The following LINGO1 variants were observed in gnomAD, a reference collection of about 807,000 sequenced individuals.
The protein encoded by LINGO1 is leucine rich repeat and Ig domain containing 1, also known as leucine-rich repeat and immunoglobulin-like domain-containing nogo receptor-interacting protein 1.
A neutral mutation model predicts 37.3 loss-of-function variants in LINGO1; 11 were observed. The observed-to-expected ratio is 0.29, with a 90% CI of 0.19 to 0.49. The LOEUF (loss-of-function observed/expected upper bound fraction) is 0.49, where lower values mean the gene tolerates loss of function less well. Among genes scored for constraint, LINGO1 ranks in the 20% least tolerant of loss-of-function variants. LINGO1 has a pLI of 0.99. For synonymous variants in LINGO1, 387 were observed against 403.0 expected (o/e 0.96, Z 0.48); for missense variants, 585 against 878.2 (o/e 0.67, Z 4.22).
chr15:77,683,124 C>T lies in LINGO1; in HGVS notation c.-98-5950G>A, dbSNP rs115934473. On this transcript the variant is annotated intron_variant, in intron 2 of 3. Coordinates refer to the LINGO1 transcript ENST00000559893. Reference sequence around the variant, plus strand: ...GAAACACCCATGGGCAAAAACTGCACGAAAAGATGCTCAGCCTCGCTGGGG... The same window carrying T: ...GAAACACCCATGGGCAAAAACTGCATGAAAAGATGCTCAGCCTCGCTGGGG... 6.5e-3 allele frequency among the ~76,000 whole-genome samples: 996 copies of T among 152,266 alleles called. 6 individuals carry two copies. Among genetic ancestry groups the T allele is most frequent in the African/African-American group, 0.018 (755 of 41,554 alleles).
chr15:77,621,256 T>C (rs940648648), intron 1 of LINGO1, among the ~76,000 whole-genome samples: 1 of 152,176 alleles, frequency 6.6e-6, no homozygotes, highest in Non-Finnish European at 1.5e-5. Flanking sequence ...GGTTTCACCA[T>C]GTTGGCCAGG....
chr15:77,816,547 G>T (rs747643391), intron 1 of LINGO1, among the ~76,000 whole-genome samples: 5 of 152,176 alleles, frequency 3.3e-5, no homozygotes, highest in Non-Finnish European at 7.3e-5. Flanking sequence ...AATATAGCAG[G>T]GTCAGGTCTT....
intron 2 of LINGO1, among the ~76,000 whole-genome samples, chr15:77,708,013 C>G (rs1025674864): frequency 4.7e-4 from 71 of 152,170 alleles, no homozygotes; most frequent in African/African-American, 1.6e-3. Context: ...TTGACAGGCA[C>G]CAGGCACCAG....
intron 2 of LINGO1, among the ~76,000 whole-genome samples, chr15:77,711,879 T>G (rs553096295): frequency 8.0e-6 from 1 of 124,754 alleles, no homozygotes; most frequent in East Asian, 3.2e-4. Context: ...TGTTCTCTCC[T>G]CTGAGGGGGG....
upstream of LINGO1, among the ~76,000 whole-genome samples, chr15:77,699,774 T>TGCACACAGCACATACTAACCA (rs2075757887): frequency 3.3e-4 from 3 of 9,072 alleles, no homozygotes; most frequent in African/African-American, 1.2e-3. Flanking sequence ...CTAACCATCA[T>TGCACACAGCACATACTAACCA]TCCCCCCCTC....
intron 1 of LINGO1, among the ~76,000 whole-genome samples, chr15:77,618,080 C>T (rs892374561): frequency 9.9e-5 from 15 of 152,142 alleles, no homozygotes; most frequent in Admixed American, 3.3e-4. Flanking sequence ...GTAATTGGGC[C>T]GGCAGCTGGG....
intron 1 of LINGO1, among the ~76,000 whole-genome samples, chr15:77,781,577 G>T (rs1236177222): frequency 6.6e-6 from 1 of 152,174 alleles, no homozygotes; most frequent in African/African-American, 2.4e-5. Flanking sequence ...GGGGTGGGAG[G>T]CCCCCCAGTC....
chr15:77,726,158 G>T (rs944354293), intron 2 of LINGO1, among the ~76,000 whole-genome samples: 1 of 152,190 alleles, frequency 6.6e-6, no homozygotes, highest in African/African-American at 2.4e-5. Context: ...CCCCAGACCA[G>T]TGTCCAGTGT....
intron 2 of LINGO1, among the ~76,000 whole-genome samples, chr15:77,718,113 G>A (rs2076006862): frequency 6.6e-6 from 1 of 150,808 alleles, no homozygotes; most frequent in Non-Finnish European, 1.5e-5. Context: ...CCCAGCCCAG[G>A]CCTGAGCTCA....
intron 1 of LINGO1, among the ~76,000 whole-genome samples, chr15:77,777,054 G>A (rs1351717163): frequency 6.6e-6 from 1 of 152,114 alleles, no homozygotes; most frequent in East Asian, 1.9e-4. Flanking sequence ...CCCGTGCCAG[G>A]GCCCACCCTG....
chr15:77,624,768 C>G (rs1485927016), intron 1 of LINGO1, among the ~76,000 whole-genome samples: 1 of 152,026 alleles, frequency 6.6e-6, no homozygotes, highest in Non-Finnish European at 1.5e-5. Flanking sequence ...GCCCCTTGCA[C>G]AAGGTTGCCC....
chr15:77,718,176 C>T (rs980944228), intron 2 of LINGO1, among the ~76,000 whole-genome samples: 3 of 150,836 alleles, frequency 2.0e-5, no homozygotes, highest in African/African-American at 4.8e-5. Context: ...CCAGGGCCCA[C>T]GGAGGGGTCT....
chr15:77,616,458 T>TC (rs2073724677), intron 1 of LINGO1, among the ~76,000 whole-genome samples: 1 of 152,044 alleles, frequency 6.6e-6, no homozygotes, highest in East Asian at 1.9e-4. Flanking sequence ...GCCCTGAGTC[T>TC]CCCCCGGTGC....
At chr15:77,665,076 G>A (rs1258138148) in intron 3 of LINGO1, among the ~76,000 whole-genome samples, 1 of 152,174 alleles carries the variant, frequency 6.6e-6, no homozygotes, top group Non-Finnish European at 1.5e-5. Flanking sequence ...GGGCAGGGAC[G>A]CCTGGTTCCC....
chr15:77,736,923 T>A (rs2141341420), intron 1 of LINGO1, among the ~76,000 whole-genome samples: 1 of 152,362 alleles, frequency 6.6e-6, no homozygotes, highest in South Asian at 2.1e-4. Context: ...AGTTCCAGCA[T>A]GTTTTCCTAA....
chr15:77,659,561 C>T (rs1282685835), intron 3 of LINGO1, among the ~76,000 whole-genome samples: 1 of 152,168 alleles, frequency 6.6e-6, no homozygotes, highest in Admixed American at 6.5e-5. Context: ...TGCCTGAGAC[C>T]ACACAGCAGT....
chr15:77,638,534 T>C (rs1442758281), upstream of LINGO1, among the ~76,000 whole-genome samples: 1 of 152,234 alleles, frequency 6.6e-6, no homozygotes, highest in African/African-American at 2.4e-5. Flanking sequence ...CAGGGGGAAT[T>C]TGAGCTAATG....
At chr15:77,720,162 A>G (rs8043490) in intron 2 of LINGO1, among the ~76,000 whole-genome samples, 79,369 of 141,842 alleles carry the variant, frequency 0.56, 23,075 homozygotes, top group Admixed American at 0.67. Context: ...CTCCACTCCA[A>G]TACCGATCCT....
intron 3 of LINGO1, among the ~76,000 whole-genome samples, chr15:77,670,208 C>T (rs1163258081): frequency 3.3e-5 from 5 of 151,992 alleles, no homozygotes; most frequent in African/African-American, 4.8e-5. Flanking sequence ...GGGAGAATGG[C>T]GGGTAACTGC....
Sources: allele counts gnomAD v4.1 joint callset (sites outside exome capture counted in the v4.1 genomes callset), GRCh38; gene constraint gnomAD v4.1.1; transcripts MANE v1.5; gene names NCBI Gene and HGNC (gene_info 2026-07-23, HGNC 2026-07-21).